The following LPP variants were observed in gnomAD, a reference collection of about 807,000 sequenced individuals.
The protein encoded by LPP is LIM domain containing preferred translocation partner in lipoma.
A neutral mutation model predicts 60.4 loss-of-function variants in LPP; 38 were observed. That is an observed-to-expected ratio of 0.63 (90% CI 0.49 to 0.83). The LOEUF is 0.83. Among genes scored for constraint, LPP ranks in the 40% least tolerant of loss-of-function variants. The pLI is 0.00. For missense variants in LPP, 902 were observed against 783.6 expected (o/e 1.15, Z -1.80); for synonymous variants, 328 against 290.8 (o/e 1.13, Z -1.30).
chr3:188,486,517 C>T (rs148316331), intron 5 of LPP, among the ~76,000 whole-genome samples: 17 of 152,046 alleles, frequency 1.1e-4, no homozygotes, highest in Non-Finnish European at 1.9e-4. Flanking sequence ...GAGAAGGCGA[C>T]GCTTAAATGA....
At chr3:188,675,740 G>A (rs1857921301) in intron 7 of LPP, among the ~76,000 whole-genome samples, 1 of 152,164 alleles carries the variant, frequency 6.6e-6, no homozygotes, top group African/African-American at 2.4e-5. Context: ...AAAGTTCTTA[G>A]TGAGCTCTGA....
At chr3:188,155,170 CAG>C (rs1715862791) in intron 1 of LPP, among the ~76,000 whole-genome samples, 1 of 152,264 alleles carries the variant, frequency 6.6e-6, no homozygotes, top group Non-Finnish European at 1.5e-5. Flanking sequence ...TTGGACAGGG[CAG>C]AGTCTTTGGA....
chr3:188,307,105 A>G (rs1751782615), intron 2 of LPP, among the ~76,000 whole-genome samples: 1 of 152,220 alleles, frequency 6.6e-6, no homozygotes, highest in Non-Finnish European at 1.5e-5. Flanking sequence ...TATACTTTGC[A>G]TATATCATTC....
intron 5 of LPP, among the ~76,000 whole-genome samples, chr3:188,500,661 T>C (rs560370277): frequency 3.3e-5 from 5 of 152,200 alleles, no homozygotes; most frequent in Non-Finnish European, 7.4e-5. Flanking sequence ...TTTGGTAGAA[T>C]TTACTAGTGA....
intron 5 of LPP, among the ~76,000 whole-genome samples, chr3:188,511,357 C>A (rs916854165): frequency 7.3e-6 from 1 of 136,572 alleles, no homozygotes; most frequent in African/African-American, 2.7e-5. Context: ...CTTGCCTGAA[C>A]TTCATATCAG....
rs1408677087 is a variant in LPP, at chr3:188,883,567, T to TA, written c.*9096dup. On this transcript the variant is annotated 3_prime_UTR_variant, in exon 12 of 12. Transcript: ENST00000617246. Reference sequence around the variant, plus strand: ...CAACATGGTGAAACCCCGACTCTACTAAAAAAAATACAAAAATTAGCCGGG... The same window carrying TA: ...CAACATGGTGAAACCCCGACTCTACTAAAAAAAAATACAAAAATTAGCCGGG... 1.7e-5 allele frequency: 3 copies of TA among 179,230 alleles called. No homozygotes were observed. The highest frequency in any genetic ancestry group is 1.8e-4 in the East Asian group (2 of 10,864). 11.1% of individuals were successfully genotyped at this position (179,230 alleles called of 1,614,324 possible).
intron 6 of LPP, among the ~76,000 whole-genome samples, chr3:188,530,320 G>A (rs751084079): frequency 6.6e-6 from 1 of 152,178 alleles, no homozygotes; most frequent in Non-Finnish European, 1.5e-5. Context: ...CCTCCATGAC[G>A]CTGCATGGAT....
chr3:188,292,720 G>C (rs1416552306), intron 2 of LPP, among the ~76,000 whole-genome samples: 3 of 152,134 alleles, frequency 2.0e-5, no homozygotes, highest in Admixed American at 2.0e-4. Context: ...TACACTACAT[G>C]GTTTCTTAGG....
chr3:188,455,473 G>C (rs1471402734), intron 4 of LPP, among the ~76,000 whole-genome samples: 1 of 152,212 alleles, frequency 6.6e-6, no homozygotes, highest in Non-Finnish European at 1.5e-5. Context: ...ACACTCAGAA[G>C]AAGTGTAGTC....
chr3:188,804,031 T>TA (rs1422599431), intron 9 of LPP, among the ~76,000 whole-genome samples: 1 of 151,416 alleles, frequency 6.6e-6, no homozygotes, highest in African/African-American at 2.4e-5. Context: ...CTAAGGTTTA[T>TA]AATGAAGTAT....
intron 3 of LPP, among the ~76,000 whole-genome samples, chr3:188,374,734 C>T (rs1774417675): frequency 6.6e-6 from 1 of 152,112 alleles, no homozygotes; most frequent in African/African-American, 2.4e-5. Flanking sequence ...CCAGAACTTC[C>T]AACACTACGT....
chr3:188,614,951 C>T (rs1271870780), intron 7 of LPP, among the ~76,000 whole-genome samples: 1 of 152,146 alleles, frequency 6.6e-6, no homozygotes, highest in African/African-American at 2.4e-5. Flanking sequence ...TAAAATTTGT[C>T]CCGAGGTTCT....
intron 9 of LPP, among the ~76,000 whole-genome samples, chr3:188,815,306 C>T (rs1752168008): frequency 6.6e-6 from 1 of 152,162 alleles, no homozygotes; most frequent in Non-Finnish European, 1.5e-5. Context: ...CACACCAATA[C>T]AATACAAGCA....
intron 2 of LPP, among the ~76,000 whole-genome samples, chr3:188,290,551 A>T (rs978927747): frequency 1.3e-5 from 2 of 151,898 alleles, no homozygotes; most frequent in Admixed American, 6.6e-5. Context: ...GCCACCGAGA[A>T]GGACAGGTAC....
chr3:188,753,125 C>T (rs1728631737), intron 8 of LPP, among the ~76,000 whole-genome samples: 2 of 152,220 alleles, frequency 1.3e-5, no homozygotes, highest in South Asian at 4.1e-4. Context: ...TGGTTCCAGT[C>T]TCAGCCACAC....
At chr3:188,161,745 G>C (rs1718353908) in intron 1 of LPP, among the ~76,000 whole-genome samples, 1 of 152,146 alleles carries the variant, frequency 6.6e-6, no homozygotes, top group South Asian at 2.1e-4. Context: ...TCCACTAGGG[G>C]TTTCTCTGCT....
Position 188,593,498 on chromosome 3 carries a change from G to A in LPP, c.430-15663G>A, listed in dbSNP as rs547204062. 9.5e-4 allele frequency among the ~76,000 whole-genome samples: 144 copies of A among 151,994 alleles called. 1 individual carries two copies. The highest frequency in any genetic ancestry group is 1.4e-3 in the Non-Finnish European group (96 of 67,978). On this transcript the variant is annotated intron_variant, in intron 6 of 11. Coordinates refer to ENST00000617246, the MANE Select transcript of LPP (RefSeq NM_001375462.1). ...GTATAGGTGGTATTTGGTTACATTAGTAAGTTCTTTAACGGACATTTGTGA... is the reference window on the plus strand; with the variant it reads ...GTATAGGTGGTATTTGGTTACATTAATAAGTTCTTTAACGGACATTTGTGA...
chr3:188,818,044 G>A (rs1203273437), intron 9 of LPP, among the ~76,000 whole-genome samples: 1 of 152,134 alleles, frequency 6.6e-6, no homozygotes, highest in Non-Finnish European at 1.5e-5. Flanking sequence ...GGTCCTGTAG[G>A]TCTACAAGTT....
intron 9 of LPP, among the ~76,000 whole-genome samples, chr3:188,855,048 T>C (rs958404556): frequency 6.6e-6 from 1 of 152,202 alleles, no homozygotes; most frequent in African/African-American, 2.4e-5. Context: ...AGCATGGGTT[T>C]TAGACATTCT....
Sources: allele counts gnomAD v4.1 joint callset (sites outside exome capture counted in the v4.1 genomes callset), GRCh38; gene constraint gnomAD v4.1.1; transcripts MANE v1.5; gene names NCBI Gene and HGNC (gene_info 2026-07-23, HGNC 2026-07-21).